Variants in PIGBOS1 observed in about 807,000 individuals in gnomAD.
PIGBOS1 encodes the protein PIGB opposite strand 1.
Position 55,318,637 on chromosome 15 carries a change from G to A in PIGBOS1, c.-76+227C>T, listed in dbSNP as rs1308124235. Among the ~76,000 whole-genome samples the A allele has an allele frequency of 2.0e-5, 3 of 150,138 alleles. No homozygotes were observed. The East Asian group carries it at 6.0e-4, about 30-fold the overall frequency. On this transcript the variant is annotated intron_variant, in intron 1 of 1. Coordinates refer to ENST00000436697, the MANE Select transcript of PIGBOS1 (RefSeq NM_001308421.2). ...AATCACTGGAACCCGGGAGGCAGAA[G>A]TTGCAGTGAGCCCAGATTGCGCCAC...
At chr15:55,318,673 C>T (rs182841907) in intron 1 of PIGBOS1, among the ~76,000 whole-genome samples, 191 bp downstream of exon 1, 147 of 150,300 alleles carry the variant, frequency 9.8e-4, no homozygotes, top group African/African-American at 3.5e-3. Context: ...TGCACTCCAG[C>T]CTGGACTACA....
intron 1 of PIGBOS1, among the ~76,000 whole-genome samples, chr15:55,318,081 T>G (rs1157989828): frequency 6.6e-6 from 1 of 151,412 alleles, no homozygotes; most frequent in Non-Finnish European, 1.5e-5. Flanking sequence ...CTCAATGGTT[T>G]TAAATGCATA....
rs1177253450 is a variant in PIGBOS1 at position 55,317,651 on chromosome 15, C to G, written c.142G>C (p.Glu48Gln). Reference sequence around the variant, plus strand: ...TATTAACTTTTCTTCTCTTCTGATTCTTGTACCAACTGCATCTTTTCTTTT... The same window carrying G: ...TATTAACTTTTCTTCTCTTCTGATTGTTGTACCAACTGCATCTTTTCTTTT... The part of the protein sequence containing the change: ...ELKEKMQLVQ[E>Q]SEEKKS Residue 48 changes from glutamate to glutamine, a missense_variant, in exon 2 of 2, where the codon GAA (glutamate) becomes CAA (glutamine). Glu to Gln is a conservative substitution (Grantham distance 29). Coordinates refer to ENST00000436697, the MANE Select transcript of PIGBOS1 (RefSeq NM_001308421.2). 7.5e-6 allele frequency: 3 copies of G among 398,540 alleles called. No individual in the cohort carries two copies. 24.7% of individuals were successfully genotyped at this position (398,540 alleles called of 1,614,324 possible).
At position 55,317,410 on chromosome 15, in the gene PIGBOS1, G is replaced by A. The variant is rs527298355; in HGVS notation, c.*218C>T. On this transcript the variant is annotated 3_prime_UTR_variant, in exon 2 of 2. Coordinates refer to ENST00000436697, the MANE Select transcript of PIGBOS1 (RefSeq NM_001308421.2). ...ACTCACTGCCACCTCTGCCTCCCAG[G>A]TTCAAGTGATGCTCCTGCCTCAGCC... 1.7e-5 allele frequency: 4 copies of A among 230,164 alleles called. No individual in the cohort carries two copies. Among genetic ancestry groups the A allele is most frequent in the Non-Finnish European group, 2.5e-5 (3 of 119,114 alleles). The allele number at this position is 230,164 out of a possible 1,614,324, so 14.3% of individuals were successfully genotyped here. A position where few individuals can be genotyped will look rare whatever the true frequency, so the allele number is the denominator to read the frequency against.
At chr15:55,318,682 C>T (rs1417019790) in intron 1 of PIGBOS1, among the ~76,000 whole-genome samples, 182 bp downstream of exon 1, 1 of 142,212 alleles carries the variant, frequency 7.0e-6, no homozygotes, top group Admixed American at 7.1e-5. Flanking sequence ...GCCTGGACTA[C>T]AAGAGCGAAA....
Position 55,318,400 on chromosome 15 carries a change from T to C in PIGBOS1, c.-76+464A>G, listed in dbSNP as rs185418980. Among the ~76,000 whole-genome samples the C allele has an allele frequency of 1.7e-4, 24 of 138,242 alleles. No homozygotes were observed. The East Asian group carries it at 6.2e-3, about 36-fold the overall frequency. The allele number at this position is 138,242 out of a possible 152,430, so 90.7% of individuals were successfully genotyped here. On this transcript the variant is annotated intron_variant, in intron 1 of 1. Coordinates refer to ENST00000436697, the MANE Select transcript of PIGBOS1 (RefSeq NM_001308421.2). ...GCGTGAGCCACCGCGCCCGGCCTGG[T>C]TTTACTTTTAACAAGAGGAGTGGGC...
chr15:55,319,081 G>A lies in PIGBOS1; in HGVS notation c.-293C>T, dbSNP rs1269870110. 3.8e-6 allele frequency: 3 copies of A among 784,650 alleles called. No individual in the cohort carries two copies. Among genetic ancestry groups the A allele is most frequent in the East Asian group, 5.9e-5 (2 of 33,616 alleles). The allele number at this position is 784,650 out of a possible 1,614,324, so 48.6% of individuals were successfully genotyped here. A position where few individuals can be genotyped will look rare whatever the true frequency, so the allele number is the denominator to read the frequency against. On this transcript the variant is annotated 5_prime_UTR_variant, in exon 1 of 2. Transcript: ENST00000436697. ...AGCAATCCCTCGGTTCGGAAACGGC[G>A]AAAGGAAACCGCAAGGAGGCCACCA...
intron 1 of PIGBOS1, among the ~76,000 whole-genome samples, chr15:55,318,089 A>G (rs927161066): frequency 1.4e-5 from 2 of 147,030 alleles, no homozygotes; most frequent in African/African-American, 2.6e-5. Context: ...TTTTAAATGC[A>G]TACTTTTTCT....
chr15:55,318,433 G>A (rs1234514456), intron 1 of PIGBOS1, among the ~76,000 whole-genome samples: 1 of 146,694 alleles, frequency 6.8e-6, no homozygotes, highest in African/African-American at 2.5e-5. Context: ...GGCCGCACGC[G>A]GTGGCTCACG....
At chr15:55,318,579 G>A (rs2055085051) in intron 1 of PIGBOS1, among the ~76,000 whole-genome samples, 1 of 150,976 alleles carries the variant, frequency 6.6e-6, no homozygotes, top group South Asian at 2.1e-4. Flanking sequence ...TGGCGCGCCT[G>A]TAGTCCCAGC....
chr15:55,318,917 A>C lies in PIGBOS1; in HGVS notation c.-129T>G. Reference sequence around the variant, plus strand: ...TACAATTACCGTTACCGTTTTTAATAACCACTCAGGTACCTCCGACTGTTC... The same window carrying C: ...TACAATTACCGTTACCGTTTTTAATCACCACTCAGGTACCTCCGACTGTTC... On this transcript the variant is annotated 5_prime_UTR_variant, in exon 1 of 2. Transcript: ENST00000436697. 1 of 249,988 alleles carries C rather than the reference A, an allele frequency of 4.0e-6. No individual in the cohort carries two copies. Among genetic ancestry groups the C allele is most frequent in the Admixed American group, 5.2e-5 (1 of 19,076 alleles). The allele number at this position is 249,988 out of a possible 1,614,324, so 15.5% of individuals were successfully genotyped here.
chr15:55,318,654 T>C (rs1385936934), intron 1 of PIGBOS1, among the ~76,000 whole-genome samples: 5 of 149,776 alleles, frequency 3.3e-5, no homozygotes, highest in East Asian at 4.0e-4. Flanking sequence ...TGAGCCCAGA[T>C]TGCGCCACTG....
intron 1 of PIGBOS1, among the ~76,000 whole-genome samples, chr15:55,318,274 T>A (rs1224888069): frequency 6.6e-6 from 1 of 151,230 alleles, no homozygotes; most frequent in African/African-American, 2.4e-5. Flanking sequence ...ATTTTTTGTA[T>A]TTTTTGTAGA....
intron 1 of PIGBOS1, among the ~76,000 whole-genome samples, chr15:55,318,622 A>T (rs1221677016): frequency 1.4e-5 from 2 of 146,716 alleles, no homozygotes; most frequent in Admixed American, 1.3e-4. Context: ...AATCACTGGA[A>T]CCCGGGAGGC....
rs961595838 is a variant in PIGBOS1 at position 55,317,610 on chromosome 15, G to A, written c.*18C>T. The A allele has an allele frequency of 1.0e-5, 4 of 397,162 alleles. No individual in the cohort carries two copies. In the South Asian group the frequency reaches 5.1e-4, roughly 51 times the overall value. The allele number at this position is 397,162 out of a possible 1,614,324, so 24.6% of individuals were successfully genotyped here. A position where few individuals can be genotyped will look rare whatever the true frequency, so the allele number is the denominator to read the frequency against. On this transcript the variant is annotated 3_prime_UTR_variant, in exon 2 of 2. Coordinates refer to ENST00000436697, the MANE Select transcript of PIGBOS1 (RefSeq NM_001308421.2). ...TTACAGGCGTGAGCCACTGCGCCAG[G>A]CCTAACTCCATGTAGTATTAACTTT...
chr15:55,318,338 C>T (rs1234448888), intron 1 of PIGBOS1, among the ~76,000 whole-genome samples: 2 of 151,070 alleles, frequency 1.3e-5, no homozygotes, highest in Non-Finnish European at 3.0e-5. Flanking sequence ...ACCTCCTGAT[C>T]CGCCCGTCTT....
At position 55,318,859 on chromosome 15, in the gene PIGBOS1, C is replaced by T. The variant is rs1323542900; in HGVS notation, c.-76+5G>A. The T allele has an allele frequency of 5.9e-6, 1 of 170,126 alleles. No homozygotes were observed. Among genetic ancestry groups the T allele is most frequent in the African/African-American group, 2.4e-5 (1 of 42,056 alleles). 10.5% of individuals were successfully genotyped at this position (170,126 alleles called of 1,614,324 possible). On this transcript the variant is annotated splice_donor_5th_base_variant and intron_variant, in intron 1 of 1. Coordinates refer to ENST00000436697, the MANE Select transcript of PIGBOS1 (RefSeq NM_001308421.2). ...GAACAGGCATTTTTTGTGAGAGCAA[C>T]GAACCTGAAATGTTAACACCAACAC... is the stretch of plus-strand genomic sequence containing the variant.
Position 55,317,404 on chromosome 15 carries a change from TC to T in PIGBOS1, c.*223del. The T allele has an allele frequency of 4.4e-6, 1 of 225,944 alleles. No individual in the cohort carries two copies. The highest frequency in any genetic ancestry group is 8.6e-6 in the Non-Finnish European group (1 of 116,282). 14.0% of individuals were successfully genotyped at this position (225,944 alleles called of 1,614,324 possible). A position where few individuals can be genotyped will look rare whatever the true frequency, so the allele number is the denominator to read the frequency against. On this transcript the variant is annotated 3_prime_UTR_variant, in exon 2 of 2. Transcript: ENST00000436697. ...ATCTTGACTCACTGCCACCTCTGCC[TC>T]CCAGGTTCAAGTGATGCTCCTGCCT... is the stretch of plus-strand genomic sequence containing the variant.
At position 55,317,555 on chromosome 15, in the gene PIGBOS1, C is replaced by A. The variant is rs1251706774; in HGVS notation, c.*73G>T. On this transcript the variant is annotated 3_prime_UTR_variant, in exon 2 of 2. Coordinates refer to ENST00000436697, the MANE Select transcript of PIGBOS1 (RefSeq NM_001308421.2). ...GTCTTGAACTCCTGACCACCTGATC[C>A]ACCCGCCTCGGCCTCCCAAAGTGCT... 1 of 372,592 alleles carries A rather than the reference C, an allele frequency of 2.7e-6. No individual in the cohort carries two copies. The highest frequency in any genetic ancestry group is 4.8e-6 in the Non-Finnish European group (1 of 209,304). 23.1% of individuals were successfully genotyped at this position (372,592 alleles called of 1,614,324 possible). A position where few individuals can be genotyped will look rare whatever the true frequency, so the allele number is the denominator to read the frequency against.
Sources: gnomAD v4.1 joint callset for allele counts (sites outside exome capture counted in the v4.1 genomes callset) on GRCh38, gnomAD v4.1.1 for gene constraint, MANE v1.5 for transcripts, NCBI Gene and HGNC (gene_info 2026-07-23, HGNC 2026-07-21) for gene names.